RSF1: variants seen among roughly 807,000 people sequenced by gnomAD.
RSF1 encodes the protein remodeling and spacing factor 1.
In RSF1, 13 loss-of-function variants were observed where a neutral mutation model predicts 145.2. The observed-to-expected ratio is 0.09, with a 90% CI of 0.06 to 0.14. The LOEUF is 0.14. Ranked by LOEUF, RSF1 falls within the 10% of genes least tolerant of loss-of-function variation. The probability of loss-of-function intolerance (pLI) is 1.00; values close to 1 mark genes in which losing one functional copy is unlikely to be tolerated. For synonymous variants in RSF1, 577 were observed against 592.6 expected (o/e 0.97, Z 0.38); for missense variants, 1,517 against 1,718.2 (o/e 0.88, Z 2.07).
At chr11:77,833,064 T>G in the RSF1 span, among the ~76,000 whole-genome samples, 1 of 134,228 alleles carries the variant, frequency 7.5e-6, no homozygotes, top group East Asian at 2.3e-4. Flanking sequence ...CAGGCTGGAG[T>G]GCAATGGCAG....
At chr11:77,761,828 A>ATTTTTTTTTTT (rs11381383) in intron 2 of RSF1, among the ~76,000 whole-genome samples, 6 of 119,574 alleles carry the variant, frequency 5.0e-5, no homozygotes, top group African/African-American at 2.0e-4. Context: ...CCATTCGGTG[A>ATTTTTTTTTTT]TTTTTTTTTT....
intron 9 of RSF1, 63 bp from the exon 10 acceptor site, chr11:77,685,222 T>A: frequency 2.2e-6 from 2 of 892,796 alleles, no homozygotes; most frequent in Non-Finnish European, 1.7e-6. Context: ...TATGTAAACA[T>A]CACGAATACA....
At chr11:77,760,738 A>G (rs1459946439) in intron 2 of RSF1, among the ~76,000 whole-genome samples, 1 of 152,188 alleles carries the variant, frequency 6.6e-6, no homozygotes. Flanking sequence ...ACAGATGACA[A>G]TGGGCCTTTC....
chr11:77,711,417 C>G (rs1453025050), intron 5 of RSF1, among the ~76,000 whole-genome samples: 1 of 152,150 alleles, frequency 6.6e-6, no homozygotes, highest in Non-Finnish European at 1.5e-5. Flanking sequence ...CGCCTGTAAT[C>G]CCAGCACTGT....
intron 4 of RSF1, among the ~76,000 whole-genome samples, chr11:77,736,135 GACA>G (rs755652762): frequency 1.1e-4 from 17 of 152,160 alleles, no homozygotes; most frequent in Non-Finnish European, 2.1e-4. Flanking sequence ...AAAAATGTGT[GACA>G]ACATCTATCA....
At chr11:77,785,644 G>A (rs2135960884) in intron 1 of RSF1, among the ~76,000 whole-genome samples, 1 of 151,544 alleles carries the variant, frequency 6.6e-6, no homozygotes. Context: ...TTGAGCAGAT[G>A]ATATGAATTT....
chr11:77,737,621 G>GGTGTGTGTGTGTGTGTGT (rs1170824350), intron 4 of RSF1, among the ~76,000 whole-genome samples: 3 of 93,488 alleles, frequency 3.2e-5, no homozygotes, highest in African/African-American at 7.7e-5. Context: ...TGTTTTGGGG[G>GGTGTGTGTGTGTGTGTGT]GTGTGTGTGT....
chr11:77,711,267 G>A (rs1261719470), intron 5 of RSF1, among the ~76,000 whole-genome samples: 2 of 151,864 alleles, frequency 1.3e-5, no homozygotes, highest in Admixed American at 6.6e-5. Flanking sequence ...CAAGGACACA[G>A]ATAATACAAT....
chr11:77,861,580 G>A, the RSF1 span, among the ~76,000 whole-genome samples: 72 of 152,296 alleles, frequency 4.7e-4, no homozygotes, highest in African/African-American at 1.3e-3. Flanking sequence ...GAGGACCTTC[G>A]TCCCCTGGGG....
chr11:77,684,322 T>G (rs1959947881), intron 10 of RSF1, among the ~76,000 whole-genome samples: 1 of 152,166 alleles, frequency 6.6e-6, no homozygotes, highest in Non-Finnish European at 1.5e-5. Context: ...CTTTCACTCA[T>G]GATATACCCA....
chr11:77,747,415 T>C (rs1948013588), intron 2 of RSF1, among the ~76,000 whole-genome samples: 1 of 152,204 alleles, frequency 6.6e-6, no homozygotes, highest in South Asian at 2.1e-4. Context: ...ATGAGAGTAA[T>C]TGTTTGATTC....
chr11:77,691,437 A>G (rs1014756849), intron 8 of RSF1, among the ~76,000 whole-genome samples, 199 bp from the exon 9 acceptor site: 6 of 152,182 alleles, frequency 3.9e-5, no homozygotes, highest in African/African-American at 1.4e-4. Flanking sequence ...AATAAAGCAC[A>G]CGTTAAAGAA....
At chr11:77,714,348 A>G (rs1005449858) in intron 5 of RSF1, among the ~76,000 whole-genome samples, 1 of 152,206 alleles carries the variant, frequency 6.6e-6, no homozygotes, top group Non-Finnish European at 1.5e-5. Flanking sequence ...GGGAATTGGT[A>G]GAGACTCAAA....
chr11:77,689,188 C>A (rs983184487), intron 9 of RSF1, among the ~76,000 whole-genome samples: 2 of 152,190 alleles, frequency 1.3e-5, no homozygotes, highest in African/African-American at 2.4e-5. Flanking sequence ...TATCACAATG[C>A]CTGCCCTAAT....
At chr11:77,789,557 A>G (rs1169408171) in intron 1 of RSF1, among the ~76,000 whole-genome samples, 1 of 152,098 alleles carries the variant, frequency 6.6e-6, no homozygotes, top group South Asian at 2.1e-4. Context: ...GCACCCCCAG[A>G]CTGATCAGGA....
intron 4 of RSF1, among the ~76,000 whole-genome samples, chr11:77,729,350 C>T (rs908423406): frequency 1.3e-5 from 2 of 152,156 alleles, no homozygotes; most frequent in East Asian, 1.9e-4. Flanking sequence ...TTTGGGCAGA[C>T]TGGTTACTGA....
chr11:77,863,428 A>C, the RSF1 span, among the ~76,000 whole-genome samples: 2 of 152,156 alleles, frequency 1.3e-5, no homozygotes, highest in South Asian at 4.1e-4. Flanking sequence ...TGCAAGATTT[A>C]AGAGTGAAAA....
intron 1 of RSF1, among the ~76,000 whole-genome samples, chr11:77,809,491 T>G (rs1948710622): frequency 6.6e-6 from 1 of 152,116 alleles, no homozygotes; most frequent in South Asian, 2.1e-4. Context: ...GTTATCATGG[T>G]GAATACAACT....
chr11:77,698,587 G>T lies in RSF1; in HGVS notation c.2615C>A (p.Ala872Glu). ...CTTTTCTTCCTCCTCTTCTGAAGCT[G>T]CAGATGATTTTTCACTGCCAGACCC... ...SEGSGSEKSS[A>E]ASEEEEEKES... The change falls in exon 7 of 16, where the codon GCA (alanine) becomes GAA (glutamate). Residue 872 changes from alanine to glutamate, a missense_variant. Transcript: ENST00000308488. 1 of 1,614,072 alleles carries T rather than the reference G, an allele frequency of 6.2e-7. No homozygotes were observed.
Sources: gnomAD v4.1 joint callset for allele counts (sites outside exome capture counted in the v4.1 genomes callset) on GRCh38, gnomAD v4.1.1 for gene constraint, MANE v1.5 for transcripts, NCBI Gene and HGNC (gene_info 2026-07-23, HGNC 2026-07-21) for gene names.